The following ULK4 variants were observed in gnomAD, a reference collection of about 807,000 sequenced individuals.
ULK4 encodes inactive serine/threonine-protein kinase ULK4.
A neutral mutation model predicts 160.6 loss-of-function variants in ULK4; 133 were observed. That is an observed-to-expected ratio of 0.83 (90% CI 0.72 to 0.96). The LOEUF (loss-of-function observed/expected upper bound fraction) is 0.96. Ranked by LOEUF, ULK4 falls within the 40% of genes least tolerant of loss-of-function variation. ULK4 has a pLI of 0.00. For synonymous variants in ULK4, 534 were observed against 539.8 expected, an observed-to-expected ratio of 0.99 and a Z score of 0.15; for missense variants, 1,580 against 1,499.5, an observed-to-expected ratio of 1.05 and a Z score of -0.89.
intron 27 of ULK4, among the ~76,000 whole-genome samples, chr3:41,692,854 A>AT (rs2036356701): frequency 6.6e-6 from 1 of 152,056 alleles, no homozygotes; most frequent in Non-Finnish European, 1.5e-5. Context: ...ACCCCCACCC[A>AT]TTTTTTTAAA....
chr3:41,437,619 T>C (rs1207103055), intron 34 of ULK4, among the ~76,000 whole-genome samples: 1 of 152,128 alleles, frequency 6.6e-6, no homozygotes, highest in African/African-American at 2.4e-5. Flanking sequence ...AGTAAAAGTT[T>C]CCAAGGCCCT....
chr3:41,913,943 A>G (rs1442746735), intron 8 of ULK4, among the ~76,000 whole-genome samples: 1 of 152,184 alleles, frequency 6.6e-6, no homozygotes. Context: ...AGCCTGGGTG[A>G]CAGAGTGAGA....
At chr3:41,493,225 T>A (rs930783105) in intron 32 of ULK4, among the ~76,000 whole-genome samples, 2 of 145,314 alleles carry the variant, frequency 1.4e-5, no homozygotes, top group Non-Finnish European at 3.0e-5. Context: ...TATAACAAAC[T>A]GTCTCTCAGA....
chr3:41,744,844 T>C (rs2038365172), intron 22 of ULK4, among the ~76,000 whole-genome samples: 2 of 151,630 alleles, frequency 1.3e-5, no homozygotes, highest in Non-Finnish European at 2.9e-5. Flanking sequence ...TTAAAAGAAC[T>C]GAAATCACAG....
intron 34 of ULK4, among the ~76,000 whole-genome samples, chr3:41,436,387 C>T (rs2083039442): frequency 1.3e-5 from 2 of 152,092 alleles, no homozygotes; most frequent in African/African-American, 4.8e-5. Flanking sequence ...TTAAAAACGC[C>T]ATACTATATT....
intron 7 of ULK4, among the ~76,000 whole-genome samples, chr3:41,917,144 T>A (rs1275530774): frequency 6.6e-6 from 1 of 152,186 alleles, no homozygotes; most frequent in East Asian, 1.9e-4. Context: ...ATACCACTAA[T>A]CTCATAATGT....
chr3:41,529,430 A>C (rs79816214), intron 32 of ULK4, among the ~76,000 whole-genome samples: 4,297 of 152,318 alleles, frequency 0.028, 182 homozygotes, highest in African/African-American at 0.093. Context: ...GAAATAAGGC[A>C]AGTTTAAACA....
chr3:41,387,361 TA>T (rs1415292894), intron 35 of ULK4, among the ~76,000 whole-genome samples: 2 of 152,016 alleles, frequency 1.3e-5, no homozygotes, highest in Non-Finnish European at 2.9e-5. Context: ...TGTAATTTTG[TA>T]TCTTTTTTTT....
chr3:41,452,590 G>A (rs1278773375), intron 34 of ULK4, among the ~76,000 whole-genome samples: 3 of 152,124 alleles, frequency 2.0e-5, no homozygotes, highest in South Asian at 2.1e-4. Context: ...ACTCTGCTAA[G>A]TAATTAGATA....
intron 34 of ULK4, among the ~76,000 whole-genome samples, chr3:41,400,492 A>C (rs2082156145): frequency 6.6e-6 from 1 of 152,172 alleles, no homozygotes; most frequent in African/African-American, 2.4e-5. Context: ...AAATCCATCC[A>C]AATTTTTGTG....
chr3:41,484,639 A>G (rs1195058149), intron 32 of ULK4, among the ~76,000 whole-genome samples: 1 of 151,944 alleles, frequency 6.6e-6, no homozygotes, highest in Admixed American at 6.6e-5. Context: ...TTTTTAGTAG[A>G]GACGGGGTTT....
intron 35 of ULK4, among the ~76,000 whole-genome samples, chr3:41,395,840 C>T (rs537543056): frequency 1.3e-5 from 2 of 152,274 alleles, no homozygotes; most frequent in Admixed American, 6.5e-5. Flanking sequence ...GCATCAACTT[C>T]TGTTTTTGCA....
At chr3:41,325,059 C>T (rs553743894) in intron 35 of ULK4, among the ~76,000 whole-genome samples, 11 of 152,134 alleles carry the variant, frequency 7.2e-5, no homozygotes, top group Non-Finnish European at 1.0e-4. Context: ...GGGCCTGTTA[C>T]GGTGGTGAGA....
At chr3:41,312,938 C>T (rs539270064) in intron 35 of ULK4, among the ~76,000 whole-genome samples, 1 of 152,056 alleles carries the variant, frequency 6.6e-6, no homozygotes, top group African/African-American at 2.4e-5. Flanking sequence ...AAGTAATGAG[C>T]TCATCATACA....
At chr3:41,703,221 C>T (rs1416878326) in intron 27 of ULK4, among the ~76,000 whole-genome samples, 1 of 115,298 alleles carries the variant, frequency 8.7e-6, no homozygotes, top group African/African-American at 3.3e-5. Context: ...CTGCACGGAA[C>T]AGCTGCAAAA....
intron 35 of ULK4, among the ~76,000 whole-genome samples, chr3:41,321,455 A>G (rs1310184281): frequency 2.0e-5 from 3 of 152,020 alleles, no homozygotes; most frequent in African/African-American, 7.3e-5. Context: ...TTAAAGTGAT[A>G]TATCTGCTAT....
Position 41,892,625 on chromosome 3 carries a change from G to A in ULK4, c.1577+2893C>T, listed in dbSNP as rs539044006. ...ATGTTTACAGTCTTTTAAAATAAAC[G>A]TAGAAATTGACCCTCCCAGTCTTAA... On this transcript the variant is annotated intron_variant, in intron 16 of 36. Transcript: ENST00000301831. Among the ~76,000 whole-genome samples, 11 of 152,262 alleles carry A rather than the reference G, an allele frequency of 7.2e-5. No homozygotes were observed. The South Asian group carries it at 2.1e-3, about 29-fold the overall frequency.
chr3:41,406,062 T>A (rs552890854), intron 34 of ULK4, among the ~76,000 whole-genome samples: 1 of 152,292 alleles, frequency 6.6e-6, no homozygotes, highest in Admixed American at 6.5e-5. Flanking sequence ...TCCAGAGGGG[T>A]GTTTCCTAGG....
chr3:41,504,947 T>G (rs2085327949), intron 32 of ULK4, among the ~76,000 whole-genome samples: 1 of 152,108 alleles, frequency 6.6e-6, no homozygotes, highest in Non-Finnish European at 1.5e-5. Context: ...TAACTCTCAG[T>G]GTAGCTAAAC....
Sources: allele counts gnomAD v4.1 joint callset (sites outside exome capture counted in the v4.1 genomes callset), GRCh38; gene constraint gnomAD v4.1.1; transcripts MANE v1.5; gene names NCBI Gene and HGNC (gene_info 2026-07-23, HGNC 2026-07-21).